Variants in DGKB observed in about 807,000 individuals in gnomAD.
DGKB encodes 90 kDa diacylglycerol kinase.
In DGKB, 67 loss-of-function variants were observed where a neutral mutation model predicts 114.3. The ratio of observed to expected loss-of-function variants is 0.59; its 90% CI spans 0.48 to 0.72. The LOEUF (loss-of-function observed/expected upper bound fraction) is 0.72, where lower values mean the gene tolerates loss of function less well. DGKB is among the 30% of genes least tolerant of loss of function. The probability of loss-of-function intolerance (pLI) is 0.00; values close to 1 mark genes in which losing one functional copy is unlikely to be tolerated. For missense variants in DGKB, 907 were observed against 975.2 expected, an observed-to-expected ratio of 0.93 and a Z score of 0.93; for synonymous variants, 398 against 323.1, an observed-to-expected ratio of 1.23 and a Z score of -2.49.
intron 23 of DGKB, among the ~76,000 whole-genome samples, chr7:14,281,087 C>A (rs1397855796): frequency 6.8e-6 from 1 of 147,342 alleles, no homozygotes; most frequent in East Asian, 2.1e-4. Context: ...AGAGTCAAGA[C>A]CCATCAGTGT....
chr7:14,736,738 C>T (rs6461123), intron 4 of DGKB, among the ~76,000 whole-genome samples: 107,534 of 152,184 alleles, frequency 0.71, 40,635 homozygotes, highest in Non-Finnish European at 0.84. Flanking sequence ...AAACTTCATA[C>T]GCAGACTTTC....
chr7:14,757,021 C>G (rs1193307967), intron 3 of DGKB, among the ~76,000 whole-genome samples: 2 of 151,942 alleles, frequency 1.3e-5, no homozygotes. Context: ...ACAAGACATG[C>G]AAAGTTTTCA....
intron 1 of DGKB, among the ~76,000 whole-genome samples, chr7:14,873,829 A>G (rs1249521501): frequency 1.3e-5 from 2 of 152,034 alleles, no homozygotes; most frequent in African/African-American, 4.8e-5. Context: ...TCAGTTTCTA[A>G]AAATAAATAT....
rs1388615851 is a variant in DGKB, at chr7:14,338,419, AAATT to A, written c.2122+92_2122+95del. On this transcript the variant is annotated intron_variant, in intron 23 of 25. Coordinates refer to ENST00000402815, the MANE Select transcript of DGKB (RefSeq NM_001350709.2). ...GAAAAATACAACTGTAAAAATATAT[AAATT>A]ATTATAGTGCAACGGAAGACTCTTT... 1.7e-5 allele frequency: 11 copies of A among 654,670 alleles called. No homozygotes were observed. In the East Asian group the frequency reaches 3.3e-4, roughly 19 times the overall value. 40.6% of individuals were successfully genotyped at this position (654,670 alleles called of 1,614,324 possible). A position where few individuals can be genotyped will look rare whatever the true frequency, so the allele number is the denominator to read the frequency against.
chr7:14,536,710 A>T (rs773024243), intron 20 of DGKB, among the ~76,000 whole-genome samples: 1 of 152,158 alleles, frequency 6.6e-6, no homozygotes, highest in East Asian at 1.9e-4. Context: ...ATATCCTACA[A>T]CTAAAATCAT....
At chr7:14,751,048 A>G (rs1360701795) in intron 4 of DGKB, among the ~76,000 whole-genome samples, 1 of 151,828 alleles carries the variant, frequency 6.6e-6, no homozygotes, top group Non-Finnish European at 1.5e-5. Flanking sequence ...CTGACCCCCA[A>G]ATGACTGGCC....
intron 2 of DGKB, among the ~76,000 whole-genome samples, chr7:14,798,253 G>C (rs889216938): frequency 2.6e-5 from 4 of 152,088 alleles, no homozygotes; most frequent in African/African-American, 9.7e-5. Context: ...TTGAAGACTG[G>C]GTTTTTACCA....
At chr7:14,208,952 T>A (rs1787284682) in intron 23 of DGKB, 1 of 151,894 alleles carries the variant, frequency 6.6e-6, no homozygotes, top group South Asian at 2.1e-4. Flanking sequence ...TTCCACTCCA[T>A]CTCTTAATTG....
At chr7:14,175,617 T>C (rs2128242209) in intron 25 of DGKB, among the ~76,000 whole-genome samples, 1 of 152,320 alleles carries the variant, frequency 6.6e-6, no homozygotes, top group Non-Finnish European at 1.5e-5. Flanking sequence ...GCAGCCAATG[T>C]GAACTTAAAA....
chr7:14,701,336 TAC>T (rs926029235), intron 7 of DGKB, among the ~76,000 whole-genome samples: 5 of 152,238 alleles, frequency 3.3e-5, no homozygotes, highest in African/African-American at 1.2e-4. Flanking sequence ...TGCCAAATGT[TAC>T]AGATAGTTTT....
At chr7:14,546,054 A>G (rs1794232144) in intron 20 of DGKB, among the ~76,000 whole-genome samples, 1 of 152,166 alleles carries the variant, frequency 6.6e-6, no homozygotes, top group South Asian at 2.1e-4. Context: ...ATGTTCTCCA[A>G]TCTCCAATAA....
intron 1 of DGKB, among the ~76,000 whole-genome samples, chr7:14,909,071 T>C (rs1361763587): frequency 6.6e-6 from 1 of 152,180 alleles, no homozygotes; most frequent in Non-Finnish European, 1.5e-5. Context: ...ATAGAAAGGC[T>C]CATTCTAAGC....
At chr7:14,578,738 C>T (rs1490096564) in intron 19 of DGKB, among the ~76,000 whole-genome samples, 1 of 152,194 alleles carries the variant, frequency 6.6e-6, no homozygotes, top group African/African-American at 2.4e-5. Context: ...CATGTTTTCA[C>T]ATTTTCTGAC....
chr7:14,524,880 TAATG>T (rs1331499729), intron 20 of DGKB, among the ~76,000 whole-genome samples: 1 of 152,102 alleles, frequency 6.6e-6, no homozygotes, highest in Non-Finnish European at 1.5e-5. Context: ...ATATCATGTA[TAATG>T]AATAAAAAGC....
At chr7:14,577,338 C>A (rs1799278928) in intron 19 of DGKB, among the ~76,000 whole-genome samples, 1 of 152,082 alleles carries the variant, frequency 6.6e-6, no homozygotes, top group Admixed American at 6.5e-5. Context: ...TGTGTTCAGG[C>A]CAGGTGCGGT....
intron 16 of DGKB, 148 bp downstream of exon 16, chr7:14,613,192 C>G (rs369212362): frequency 3.4e-6 from 2 of 581,232 alleles, no homozygotes; most frequent in East Asian, 2.9e-5. Context: ...AAAACAAGAT[C>G]ATATAAACAT....
intron 23 of DGKB, among the ~76,000 whole-genome samples, chr7:14,181,272 T>C (rs1782600365): frequency 2.0e-5 from 3 of 152,156 alleles, no homozygotes; most frequent in Admixed American, 2.0e-4. Flanking sequence ...CCACCTATGC[T>C]TTAGAGAAAC....
At chr7:14,164,765 A>G (rs1053623592) in intron 25 of DGKB, among the ~76,000 whole-genome samples, 1 of 152,140 alleles carries the variant, frequency 6.6e-6, no homozygotes, top group Non-Finnish European at 1.5e-5. Context: ...TTGGGGGGGT[A>G]TAATTGGGGA....
At chr7:14,410,866 T>A (rs1042041915) in intron 21 of DGKB, among the ~76,000 whole-genome samples, 1 of 152,312 alleles carries the variant, frequency 6.6e-6, no homozygotes, top group Admixed American at 6.5e-5. Flanking sequence ...AATATAAATA[T>A]ATACAATTTT....
Sources: gnomAD v4.1 joint callset for allele counts (sites outside exome capture counted in the v4.1 genomes callset) on GRCh38, gnomAD v4.1.1 for gene constraint, MANE v1.5 for transcripts, NCBI Gene and HGNC (gene_info 2026-07-23, HGNC 2026-07-21) for gene names.